PARD3: variants seen among roughly 807,000 people sequenced by gnomAD.
PARD3 encodes the protein partitioning defective 3 homolog.
PARD3 carries 75 observed loss-of-function variants against 155.4 expected under a neutral mutation model. The ratio of observed to expected loss-of-function variants is 0.48; its 90% CI spans 0.40 to 0.58. PARD3 has a LOEUF of 0.58. Among genes scored for constraint, PARD3 ranks in the 20% least tolerant of loss-of-function variants. PARD3 has a pLI of 0.00. For missense variants in PARD3, 1,642 were observed against 1,721.7 expected (o/e 0.95, Z 0.82); for synonymous variants, 576 against 610.5 (o/e 0.94, Z 0.83).
rs973576726 is a variant in PARD3 at position 34,110,989 on chromosome 10, G to A, written c.*180C>T. 3.5e-6 allele frequency: 2 copies of A among 569,080 alleles called. No homozygotes were observed. The highest frequency in any genetic ancestry group is 5.9e-6 in the Non-Finnish European group (2 of 340,468). The allele number at this position is 569,080 out of a possible 1,614,324, so 35.3% of individuals were successfully genotyped here. On this transcript the variant is annotated 3_prime_UTR_variant, in exon 25 of 25. Transcript: ENST00000374788. ...ATCCTTCCATGAAACAGACACTTGA[G>A]ACATAGTGGCAAAGACATTAAGGCC...
intron 1 of PARD3, among the ~76,000 whole-genome samples, chr10:34,716,564 G>A (rs1410781002): frequency 4.0e-5 from 6 of 148,766 alleles, no homozygotes; most frequent in Non-Finnish European, 7.4e-5. Flanking sequence ...CATGGGCTAC[G>A]TGTGGCCCAG....
At position 34,191,259 on chromosome 10, in the gene PARD3, G is replaced by A. The variant is rs1435957035; in HGVS notation, c.3420-59676C>T. 1.5e-4 allele frequency among the ~76,000 whole-genome samples: 23 copies of A among 151,928 alleles called. 1 individual carries two copies. The highest frequency in any genetic ancestry group is 1.4e-3 in the Admixed American group (21 of 15,246). The stretch of plus-strand genomic sequence containing the variant: ...TCATTAACCAGGAGAGATTTAGAGC[G>A]GAGAATAAGCCACTATAGAGGAAAG... On this transcript the variant is annotated intron_variant, in intron 22 of 24. Transcript: ENST00000374788.
At chr10:34,246,155 C>G (rs982382248) in intron 22 of PARD3, among the ~76,000 whole-genome samples, 1 of 152,148 alleles carries the variant, frequency 6.6e-6, no homozygotes, top group African/African-American at 2.4e-5. Flanking sequence ...TAGAGAGGGG[C>G]TGAAGCCCAT....
chr10:34,426,134 G>C (rs1364655277), intron 5 of PARD3, among the ~76,000 whole-genome samples: 1 of 152,152 alleles, frequency 6.6e-6, no homozygotes, highest in Non-Finnish European at 1.5e-5. Flanking sequence ...TTAAAAACCA[G>C]AATCAACTGG....
At chr10:34,586,689 G>A (rs1264193249) in intron 2 of PARD3, among the ~76,000 whole-genome samples, 5 of 152,200 alleles carry the variant, frequency 3.3e-5, no homozygotes, top group African/African-American at 1.2e-4. Flanking sequence ...GCTCAGGCCT[G>A]TAATCCCAAC....
intron 1 of PARD3, among the ~76,000 whole-genome samples, chr10:34,812,936 C>CAGAGGGT (rs1844386650): frequency 1.3e-5 from 2 of 152,190 alleles, no homozygotes; most frequent in African/African-American, 4.8e-5. Flanking sequence ...AGGCCCTGCA[C>CAGAGGGT]TCTAGCCACC....
intron 22 of PARD3, among the ~76,000 whole-genome samples, chr10:34,168,315 C>T (rs1949632964): frequency 6.6e-6 from 1 of 152,190 alleles, no homozygotes; most frequent in African/African-American, 2.4e-5. Flanking sequence ...TTGCTGCGTA[C>T]TTTGATTTAA....
chr10:34,271,769 CATG>C (rs922932880), intron 21 of PARD3, among the ~76,000 whole-genome samples: 25 of 152,276 alleles, frequency 1.6e-4, no homozygotes, highest in African/African-American at 5.8e-4. Context: ...TTGCAAATGA[CATG>C]ATGATCTACA....
intron 3 of PARD3, among the ~76,000 whole-genome samples, chr10:34,486,075 C>A (rs2079448732): frequency 6.6e-6 from 1 of 151,982 alleles, no homozygotes; most frequent in Admixed American, 6.6e-5. Flanking sequence ...AGGTGCGTGC[C>A]ACGATGAGTG....
intron 2 of PARD3, among the ~76,000 whole-genome samples, chr10:34,588,593 C>A (rs190599256): frequency 1.7e-3 from 266 of 152,264 alleles, no homozygotes; most frequent in African/African-American, 5.8e-3. Flanking sequence ...AAAATCCCTA[C>A]CTGTAAGCCA....
intron 22 of PARD3, among the ~76,000 whole-genome samples, chr10:34,248,772 A>G (rs1056187438): frequency 3.3e-5 from 5 of 152,238 alleles, no homozygotes; most frequent in Non-Finnish European, 5.9e-5. Flanking sequence ...TTCTTCCAGA[A>G]TCCTGAAGAT....
chr10:34,397,855 C>A (rs1316227555), intron 7 of PARD3, among the ~76,000 whole-genome samples: 1 of 152,082 alleles, frequency 6.6e-6, no homozygotes, highest in Non-Finnish European at 1.5e-5. Flanking sequence ...AAGCTATAAT[C>A]CATGCATTTT....
intron 22 of PARD3, among the ~76,000 whole-genome samples, chr10:34,243,776 C>T (rs539360977): frequency 5.8e-4 from 89 of 152,216 alleles, no homozygotes; most frequent in African/African-American, 2.1e-3. Context: ...TGCCACTGCA[C>T]CCCAGCCTGG....
In PARD3 at chr10:34,791,689, C is replaced by CA. The variant is rs563120608; in HGVS notation, c.120+23186dup. 2.6e-3 allele frequency among the ~76,000 whole-genome samples: 393 copies of CA among 150,896 alleles called. 1 individual carries two copies. The highest frequency in any genetic ancestry group is 3.7e-3 in the Non-Finnish European group (250 of 67,634). On this transcript the variant is annotated intron_variant, in intron 1 of 24. Transcript: ENST00000374788. ...CCAGGGATTCAAAACCCCATCTCTA[C>CA]AAAAAAAAATTGTTTAAATTAGTCA...
chr10:34,588,478 A>C lies in PARD3; in HGVS notation c.223-71319T>G, dbSNP rs143150805. ...TTTTAAAATCTACCTATCACGTTTA[A>C]TCACCCGGCGCTTCAAGAAAGCCCA... On this transcript the variant is annotated intron_variant, in intron 2 of 24. Transcript: ENST00000374788. Among the ~76,000 whole-genome samples the C allele has an allele frequency of 2.6e-5, 4 of 152,306 alleles. No individual in the cohort carries two copies. In the East Asian group the frequency reaches 7.7e-4, roughly 29 times the overall value.
chr10:34,262,534 G>A (rs890468335), intron 22 of PARD3, among the ~76,000 whole-genome samples: 1 of 152,156 alleles, frequency 6.6e-6, no homozygotes, highest in Non-Finnish European at 1.5e-5. Context: ...CCAAAATGTG[G>A]GGATTATAGA....
chr10:34,430,141 G>A (rs1020025119), intron 5 of PARD3, among the ~76,000 whole-genome samples: 3 of 152,232 alleles, frequency 2.0e-5, no homozygotes, highest in East Asian at 3.8e-4. Flanking sequence ...TACAATCTGA[G>A]AATATGCCAA....
chr10:34,253,575 CATT>C (rs1239924926), intron 22 of PARD3, among the ~76,000 whole-genome samples: 2 of 152,162 alleles, frequency 1.3e-5, no homozygotes, highest in African/African-American at 4.8e-5. Flanking sequence ...GGCTCTCCCT[CATT>C]ATCCCGCAGG....
At chr10:34,223,170 C>T (rs1010233684) in intron 22 of PARD3, among the ~76,000 whole-genome samples, 1 of 152,120 alleles carries the variant, frequency 6.6e-6, no homozygotes, top group Non-Finnish European at 1.5e-5. Context: ...GTCCCATCAC[C>T]TCATGGGGCT....
Sources: gnomAD v4.1 joint callset for allele counts (sites outside exome capture counted in the v4.1 genomes callset) on GRCh38, gnomAD v4.1.1 for gene constraint, MANE v1.5 for transcripts, NCBI Gene and HGNC (gene_info 2026-07-23, HGNC 2026-07-21) for gene names.